The following UNC13C variants were observed in gnomAD, a reference collection of about 807,000 sequenced individuals.
UNC13C encodes unc-13 homolog C.
A neutral mutation model predicts 245.4 loss-of-function variants in UNC13C; 174 were observed. The observed-to-expected ratio is 0.71, with a 90% confidence interval of 0.63 to 0.80. The LOEUF (loss-of-function observed/expected upper bound fraction) is 0.80. UNC13C is among the 30% of genes least tolerant of loss of function. The pLI is 0.00. For missense variants in UNC13C, 2,829 were observed against 2,602.9 expected (o/e 1.09, Z -1.89); for synonymous variants, 992 against 895.1 (o/e 1.11, Z -1.93).
At chr15:54,571,690 C>T (rs375500514) in intron 30 of UNC13C, among the ~76,000 whole-genome samples, 2 of 152,336 alleles carry the variant, frequency 1.3e-5, no homozygotes, top group South Asian at 2.1e-4. Context: ...ACACTGCTTA[C>T]TGCAAACACC....
chr15:54,113,811 G>C (rs572508071), intron 2 of UNC13C, among the ~76,000 whole-genome samples: 1 of 152,278 alleles, frequency 6.6e-6, no homozygotes, highest in African/African-American at 2.4e-5. Context: ...GGGCAACAGA[G>C]TGAGACTCTC....
At chr15:53,882,220 T>C in the UNC13C span, among the ~76,000 whole-genome samples, 3 of 152,206 alleles carry the variant, frequency 2.0e-5, no homozygotes, top group South Asian at 2.1e-4. Flanking sequence ...TTTAACATAA[T>C]TGAATGTTTT....
At chr15:54,402,629 T>G (rs1567241886) in intron 18 of UNC13C, among the ~76,000 whole-genome samples, 1 of 152,132 alleles carries the variant, frequency 6.6e-6, no homozygotes. Context: ...TTTTTACAGT[T>G]TAATGTTTAA....
At chr15:54,090,882 G>A (rs1367085207) in intron 2 of UNC13C, among the ~76,000 whole-genome samples, 1 of 152,144 alleles carries the variant, frequency 6.6e-6, no homozygotes, top group Admixed American at 6.5e-5. Flanking sequence ...AGAATGTGTG[G>A]TGTAACTGGC....
At chr15:54,161,187 TTC>T in intron 4 of UNC13C, among the ~76,000 whole-genome samples, 1 of 152,268 alleles carries the variant, frequency 6.6e-6, no homozygotes, top group Non-Finnish European at 1.5e-5. Flanking sequence ...CAGCTTCAAT[TTC>T]TCATGCTCAA....
At chr15:54,255,476 TC>T (rs2036256061) in intron 8 of UNC13C, among the ~76,000 whole-genome samples, 1 of 152,144 alleles carries the variant, frequency 6.6e-6, no homozygotes, top group Non-Finnish European at 1.5e-5. Flanking sequence ...CCTGTGCTCT[TC>T]CACTCGGCAT....
chr15:53,848,896 C>A, the UNC13C span, among the ~76,000 whole-genome samples: 2 of 152,094 alleles, frequency 1.3e-5, no homozygotes, highest in Non-Finnish European at 2.9e-5. Context: ...GCTTCTCTCT[C>A]TATTCATTGC....
chr15:54,549,648 T>C lies in UNC13C; in HGVS notation c.5834T>C (p.Ile1945Thr). Reference protein sequence around the residue: ...PLTDQTGPQMIFIAAKDLGQL... With the variant: ...PLTDQTGPQMTFIAAKDLGQL... The stretch of plus-strand genomic sequence containing the variant: ...CTTTGTTTCTAGGGACCCCAGATGA[T>C]TTTCATTGCAGCTAAAGATCTTGGA... Residue 1945 changes from isoleucine to threonine, a missense_variant, in exon 28 of 33, where the codon ATT becomes ACT. Physicochemically the swap from Ile to Thr is moderately conservative, Grantham distance 89. Transcript: ENST00000260323. 6.2e-7 allele frequency: 1 copy of C among 1,605,018 alleles called. No individual in the cohort carries two copies. The highest frequency in any genetic ancestry group is 8.5e-7 in the Non-Finnish European group (1 of 1,175,922).
Position 54,304,187 on chromosome 15 carries a change from G to A in UNC13C, c.4268+3814G>A, listed in dbSNP as rs1423649807. On this transcript the variant is annotated intron_variant, in intron 13 of 32. Coordinates refer to ENST00000260323, the MANE Select transcript of UNC13C (RefSeq NM_001080534.3). The stretch of plus-strand genomic sequence containing the variant: ...AAATAAATGGAAATGGCTGTGTGCT[G>A]ATAAAACTTTATTTTAAAAAACAGA... Among the ~76,000 whole-genome samples, 63 of 152,042 alleles carry A rather than the reference G, an allele frequency of 4.1e-4. 1 individual carries two copies. Among genetic ancestry groups the A allele is most frequent in the Non-Finnish European group, 2.4e-4 (16 of 68,002 alleles).
intron 19 of UNC13C, among the ~76,000 whole-genome samples, chr15:54,438,896 CT>C (rs1316434596): frequency 1.3e-5 from 2 of 151,912 alleles, no homozygotes; most frequent in East Asian, 3.9e-4. Context: ...AGAGTCCAAG[CT>C]CTTAACTCAA....
intron 30 of UNC13C, among the ~76,000 whole-genome samples, chr15:54,604,843 A>T (rs887011200): frequency 6.6e-6 from 1 of 152,196 alleles, no homozygotes; most frequent in African/African-American, 2.4e-5. Context: ...AACAAAATGG[A>T]GTTCTCCTCA....
chr15:53,862,345 C>T, the UNC13C span, among the ~76,000 whole-genome samples: 2 of 151,966 alleles, frequency 1.3e-5, no homozygotes, highest in Non-Finnish European at 2.9e-5. Context: ...TTCTAGTGCT[C>T]GTGTATATTT....
At chr15:54,551,479 G>A (rs1896733689) in intron 28 of UNC13C, among the ~76,000 whole-genome samples, 1 of 152,004 alleles carries the variant, frequency 6.6e-6, no homozygotes, top group Non-Finnish European at 1.5e-5. Flanking sequence ...AACTCTGATC[G>A]AGATAGAGAC....
chr15:54,219,224 C>G (rs1427783610), intron 4 of UNC13C, among the ~76,000 whole-genome samples: 55 of 151,256 alleles, frequency 3.6e-4, no homozygotes, highest in Admixed American at 4.0e-4. Context: ...GTAACCAAAA[C>G]AGCATGGTAC....
chr15:53,877,353 G>A, the UNC13C span, among the ~76,000 whole-genome samples: 1 of 152,142 alleles, frequency 6.6e-6, no homozygotes, highest in Non-Finnish European at 1.5e-5. Flanking sequence ...CTCCCTGAGA[G>A]TGAGAGAAAC....
At chr15:53,933,855 C>T in the UNC13C span, among the ~76,000 whole-genome samples, 1 of 152,174 alleles carries the variant, frequency 6.6e-6, no homozygotes, top group Non-Finnish European at 1.5e-5. Context: ...AGAACTTCTG[C>T]AAGAATGATG....
At chr15:54,062,706 C>A (rs1158302420) in intron 2 of UNC13C, among the ~76,000 whole-genome samples, 1 of 152,144 alleles carries the variant, frequency 6.6e-6, no homozygotes, top group African/African-American at 2.4e-5. Flanking sequence ...AAAATTTTAA[C>A]CCCACCCAAG....
At chr15:54,621,645 G>T (rs1032888598) in intron 30 of UNC13C, among the ~76,000 whole-genome samples, 1 of 152,068 alleles carries the variant, frequency 6.6e-6, no homozygotes, top group East Asian at 1.9e-4. Flanking sequence ...ATAGTAAGAG[G>T]TTGGTGTTAT....
intron 30 of UNC13C, among the ~76,000 whole-genome samples, chr15:54,574,655 T>C (rs900929141): frequency 1.3e-5 from 2 of 152,174 alleles, no homozygotes; most frequent in Non-Finnish European, 2.9e-5. Flanking sequence ...ATATTTTATA[T>C]AGAAGTTACA....
Sources: gnomAD v4.1 joint callset for allele counts (sites outside exome capture counted in the v4.1 genomes callset) on GRCh38, gnomAD v4.1.1 for gene constraint, MANE v1.5 for transcripts, NCBI Gene and HGNC (gene_info 2026-07-23, HGNC 2026-07-21) for gene names.